Variants in PPFIA4 observed in about 807,000 individuals in gnomAD.
PPFIA4 encodes PPFI scaffold protein A4, also known as liprin-alpha-4.
Under a neutral mutation model 145.7 loss-of-function variants are expected in PPFIA4, and 98 were observed. The ratio of observed to expected loss-of-function variants is 0.67; its 90% confidence interval spans 0.57 to 0.80. PPFIA4 has a LOEUF of 0.80. PPFIA4 is among the 30% of genes least tolerant of loss of function. The pLI is 0.00. For synonymous variants in PPFIA4, 628 were observed against 649.6 expected, an observed-to-expected ratio of 0.97 and a Z score of 0.51; for missense variants, 1,457 against 1,632.7, an observed-to-expected ratio of 0.89 and a Z score of 1.85.
chr1:203,032,399 C>T (rs1344442462), intron 1 of PPFIA4, among the ~76,000 whole-genome samples: 1 of 148,148 alleles, frequency 6.8e-6, no homozygotes, highest in Non-Finnish European at 1.5e-5. Flanking sequence ...GATGGGGGCC[C>T]AGAGGCTTGT....
rs556451994 is a variant in PPFIA4 at position 203,076,261 on chromosome 1, C to G, written c.3575-80C>G. On this transcript the variant is annotated intron_variant, in intron 29 of 29. Transcript: ENST00000295706. ...TTGGAGCACGCTGCGTTGCCGCTGT[C>G]GCACACATCCTACAACCTCTCTCGC... 6.4e-5 allele frequency: 95 copies of G among 1,473,144 alleles called. No homozygotes were observed. In the East Asian group the frequency reaches 2.0e-3, roughly 32 times the overall value. 91.3% of individuals were successfully genotyped at this position (1,473,144 alleles called of 1,614,324 possible). A position where few individuals can be genotyped will look rare whatever the true frequency, so the allele number is the denominator to read the frequency against.
chr1:203,042,114 G>A (rs1439307528), intron 2 of PPFIA4, among the ~76,000 whole-genome samples: 1 of 152,170 alleles, frequency 6.6e-6, no homozygotes, highest in East Asian at 1.9e-4. Flanking sequence ...TGTGAGGGAG[G>A]CTGCAGGTTA....
At chr1:203,049,634 CT>C (rs1439620011) in intron 12 of PPFIA4, 41 bp from the exon 13 acceptor site, 1 of 1,414,408 alleles carries the variant, frequency 7.1e-7, no homozygotes, top group Non-Finnish European at 9.5e-7. Context: ...CTGCCCCTCC[CT>C]GGCCCCCACT....
chr1:203,057,828 G>C (rs1661081508), intron 19 of PPFIA4, among the ~76,000 whole-genome samples: 2 of 152,224 alleles, frequency 1.3e-5, no homozygotes, highest in East Asian at 1.9e-4. Flanking sequence ...CGACACCTGA[G>C]CTAAAGTGTG....
intron 1 of PPFIA4, chr1:203,035,762 G>T: frequency 4.7e-6 from 2 of 426,380 alleles, no homozygotes; most frequent in South Asian, 1.7e-5. Context: ...GGTGCCCCAC[G>T]TGGCTGTCCT....
Position 203,061,670 on chromosome 1 carries a change from T to C in PPFIA4, c.2866T>C (p.Trp956Arg). Residue 956 changes from tryptophan (W) to arginine (R), a missense_variant, in exon 24 of 30, where the codon TGG becomes CGG. Trp to Arg is a moderately radical substitution (Grantham distance 101). Coordinates refer to ENST00000295706, the MANE Select transcript of PPFIA4 (RefSeq NM_001304331.2). ...STKTDSEEGS[W>R]AQTLAYGDMN... is the part of the protein sequence containing the mutation. Reference sequence around the variant, plus strand: ...CTGCTAGGACAGTGAGGAGGGCAGCTGGGCTCAGGTAAGACTCCCTACCCT... The same window carrying C: ...CTGCTAGGACAGTGAGGAGGGCAGCCGGGCTCAGGTAAGACTCCCTACCCT... The C allele has an allele frequency of 6.4e-7, 1 of 1,566,318 alleles. No individual in the cohort carries two copies. The highest frequency in any genetic ancestry group is 8.7e-7 in the Non-Finnish European group (1 of 1,155,172).
rs754832624 is a variant in PPFIA4, at chr1:203,051,853, G to A, written c.1596G>A (p.Ser532=). The A allele has an allele frequency of 3.4e-5, 55 of 1,613,458 alleles. No individual in the cohort carries two copies. Among genetic ancestry groups the A allele is most frequent in the South Asian group, 3.3e-4 (30 of 90,954 alleles). ...CCCCAGGCGTGCATCGCCGCTACTC[G>A]GCATTGAGGGAAGAGTCTGCCAAGG... The part of the protein sequence containing the change: ...HAPPGVHRRY[S]ALREESAKDW... The change falls in exon 14 of 30, where the codon TCG becomes TCA. Residue 532 remains serine, a synonymous_variant. Coordinates refer to ENST00000295706, the MANE Select transcript of PPFIA4 (RefSeq NM_001304331.2).
Position 203,048,378 on chromosome 1 carries a change from G to A in PPFIA4, c.1224+68G>A. On this transcript the variant is annotated intron_variant, in intron 10 of 29. Coordinates refer to ENST00000295706, the MANE Select transcript of PPFIA4 (RefSeq NM_001304331.2). The surrounding 1 kb of genome is among the most constrained non-coding windows in gnomAD (Gnocchi z 5.8). ...AGGACAGGCTCCCAGGGCGGTCTGT[G>A]GAAGGGGCACGGAGGAAGGGCCTGG... 1 of 1,560,956 alleles carries A rather than the reference G, an allele frequency of 6.4e-7. No individual in the cohort carries two copies. Among genetic ancestry groups the A allele is most frequent in the Non-Finnish European group, 8.7e-7 (1 of 1,146,396 alleles).
At position 203,048,537 on chromosome 1, in the gene PPFIA4, GTCC is replaced by G; in HGVS notation, c.1225-42_1225-40del. 1 of 1,554,180 alleles carries G rather than the reference GTCC, an allele frequency of 6.4e-7. No individual in the cohort carries two copies. Among genetic ancestry groups the G allele is most frequent in the Non-Finnish European group, 8.7e-7 (1 of 1,149,476 alleles). On this transcript the variant is annotated intron_variant, in intron 10 of 29. Coordinates refer to ENST00000295706, the MANE Select transcript of PPFIA4 (RefSeq NM_001304331.2). This position sits in a 1 kb window ranked among gnomAD's most constrained non-coding sequence, Gnocchi z 5.8. Reference sequence around the variant, plus strand: ...AGTCAAACCCCAGCAGGAGAGGGTGGTCCTCCCTGGGAGGGCGGCCTGGTGCGA... The same window carrying G: ...AGTCAAACCCCAGCAGGAGAGGGTGGTCCCTGGGAGGGCGGCCTGGTGCGA...
At chr1:203,056,002 G>A (rs576664133) in intron 16 of PPFIA4, 118 bp from the exon 17 acceptor site, 109 of 980,098 alleles carry the variant, frequency 1.1e-4, no homozygotes, top group Admixed American at 4.0e-4. Flanking sequence ...TATTCTCTCC[G>A]GGCCTGTGTG....
chr1:203,031,971 T>C (rs917434837), intron 1 of PPFIA4, among the ~76,000 whole-genome samples: 1 of 152,082 alleles, frequency 6.6e-6, no homozygotes, highest in Non-Finnish European at 1.5e-5. Flanking sequence ...AATGGTTGGC[T>C]CCTGGTGTTA....
chr1:203,049,108 C>T (rs1379493678), intron 12 of PPFIA4, 128 bp downstream of exon 12: 1 of 874,416 alleles, frequency 1.1e-6, no homozygotes, highest in African/African-American at 1.7e-5. Context: ...GCACTACATA[C>T]ATTATTCCGT....
intron 14 of PPFIA4, among the ~76,000 whole-genome samples, 168 bp downstream of exon 14, chr1:203,052,045 G>GCCC (rs3215063): frequency 0.091 from 9,283 of 102,256 alleles, 1,229 homozygotes; most frequent in Middle Eastern, 0.15. Context: ...CAACAGCTGT[G>GCCC]CCCCCCCCCC....
chr1:203,052,140 G>A lies in PPFIA4; in HGVS notation c.1620+263G>A, dbSNP rs548807837. Among the ~76,000 whole-genome samples the A allele has an allele frequency of 2.3e-3, 350 of 151,888 alleles. 1 individual carries two copies. The highest frequency in any genetic ancestry group is 7.6e-3 in the African/African-American group (314 of 41,434). On this transcript the variant is annotated intron_variant, in intron 14 of 29. Coordinates refer to ENST00000295706, the MANE Select transcript of PPFIA4 (RefSeq NM_001304331.2). ...TGAGGCCCCACTGAAGTGTGTGTGC[G>A]TGTGCCTGGGCGTGCAGGCGTGTGT...
At chr1:203,071,805 C>T in intron 28 of PPFIA4, 45 bp downstream of exon 28, 9 of 1,505,648 alleles carry the variant, frequency 6.0e-6, no homozygotes, top group South Asian at 1.2e-5. Context: ...ATTTGGTCAT[C>T]TTCGTTGGAT....
At chr1:203,042,233 A>G (rs1002383328) in intron 2 of PPFIA4, among the ~76,000 whole-genome samples, 1 of 152,200 alleles carries the variant, frequency 6.6e-6, no homozygotes, top group African/African-American at 2.4e-5. Flanking sequence ...GCTAAACAGG[A>G]TATGATGAGC....
rs527496536 is a variant in PPFIA4, at chr1:203,044,915, T to G, written c.666+130T>G. On this transcript the variant is annotated intron_variant, in intron 6 of 29. Coordinates refer to ENST00000295706, the MANE Select transcript of PPFIA4 (RefSeq NM_001304331.2). The stretch of plus-strand genomic sequence containing the variant: ...TTGAGGCTTTCTCTGATATTCCCCC[T>G]TCTCTTTTCTTCTTCTCCCTACCCC... 11 of 772,706 alleles carry G rather than the reference T, an allele frequency of 1.4e-5. No individual in the cohort carries two copies. In the East Asian group the frequency reaches 2.9e-4, roughly 21 times the overall value. The allele number at this position is 772,706 out of a possible 1,614,324, so 47.9% of individuals were successfully genotyped here. A position where few individuals can be genotyped will look rare whatever the true frequency, so the allele number is the denominator to read the frequency against.
rs756148114 is a variant in PPFIA4, at chr1:203,048,648, G to C, written c.1290G>C (p.Leu430=). The change falls in exon 11 of 30, where the codon CTG becomes CTC. Residue 430 remains leucine, a synonymous_variant. Coordinates refer to ENST00000295706, the MANE Select transcript of PPFIA4 (RefSeq NM_001304331.2). The surrounding 1 kb of genome is among the most constrained non-coding windows in gnomAD (Gnocchi z 5.8). ...GGCTGTCGGACACAGTGGACCGGCTGCTCAGCGAGTCCAACGAGCGTCTGC... is the reference window on the plus strand; with the variant it reads ...GGCTGTCGGACACAGTGGACCGGCTCCTCAGCGAGTCCAACGAGCGTCTGC... ...NKRLSDTVDR[L]LSESNERLQL... 1.9e-6 allele frequency: 3 copies of C among 1,606,460 alleles called. No individual in the cohort carries two copies. Among genetic ancestry groups the C allele is most frequent in the Non-Finnish European group, 8.5e-7 (1 of 1,177,458 alleles).
intron 1 of PPFIA4, among the ~76,000 whole-genome samples, chr1:203,027,024 C>A (rs1443733426): frequency 1.3e-5 from 2 of 152,204 alleles, no homozygotes; most frequent in Non-Finnish European, 2.9e-5. Context: ...TTTGGGGACG[C>A]GATTCTGATG....
Sources: gnomAD v4.1 joint callset for allele counts (sites outside exome capture counted in the v4.1 genomes callset) on GRCh38, gnomAD v4.1.1 for gene constraint, Gnocchi (gnomAD v3.1) non-coding constraint, MANE v1.5 for transcripts, NCBI Gene and HGNC (gene_info 2026-07-23, HGNC 2026-07-21) for gene names.